The following GRID2 variants were observed in gnomAD, a reference collection of about 807,000 sequenced individuals.
The protein encoded by GRID2 is glutamate ionotropic receptor delta type subunit 2, also known as glutamate receptor ionotropic, delta-2.
A neutral mutation model predicts 114.8 loss-of-function variants in GRID2; 33 were observed. The ratio of observed to expected loss-of-function variants is 0.29; its 90% CI spans 0.22 to 0.38. The LOEUF (loss-of-function observed/expected upper bound fraction) is 0.38, where lower values mean the gene tolerates loss of function less well. Among genes scored for constraint, GRID2 ranks in the 10% least tolerant of loss-of-function variants. The probability of loss-of-function intolerance (pLI) is 1.00; values close to 1 mark genes in which losing one functional copy is unlikely to be tolerated. For missense variants in GRID2, 1,184 were observed against 1,257.7 expected (o/e 0.94, Z 0.89); for synonymous variants, 505 against 449.9 (o/e 1.12, Z -1.55).
At chr4:93,134,765 A>G (rs975558523) in intron 4 of GRID2, among the ~76,000 whole-genome samples, 1 of 152,140 alleles carries the variant, frequency 6.6e-6, no homozygotes, top group African/African-American at 2.4e-5. Flanking sequence ...TTTGCAGAAC[A>G]AAATGAAGGA....
intron 1 of GRID2, among the ~76,000 whole-genome samples, chr4:92,518,577 G>T (rs955329350): frequency 6.6e-6 from 1 of 151,722 alleles, no homozygotes; most frequent in Admixed American, 6.6e-5. Flanking sequence ...TATTTAATGG[G>T]TATAGAGTTT....
rs1441948038 is a variant in GRID2, at chr4:92,467,082, T to G, written c.89-123049T>G. ...TTAATTATTGTTATCAAATTTTACT[T>G]TTTTAGAAAAACACAAATCCTATTT... On this transcript the variant is annotated intron_variant, in intron 1 of 15. Coordinates refer to ENST00000282020, the MANE Select transcript of GRID2 (RefSeq NM_001510.4). 5.9e-5 allele frequency among the ~76,000 whole-genome samples: 9 copies of G among 151,926 alleles called. No homozygotes were observed. In the East Asian group the frequency reaches 1.5e-3, roughly 26 times the overall value.
At chr4:92,886,281 A>T (rs894976474) in intron 2 of GRID2, among the ~76,000 whole-genome samples, 1 of 152,110 alleles carries the variant, frequency 6.6e-6, no homozygotes, top group African/African-American at 2.4e-5. Flanking sequence ...AATATCAAAG[A>T]TCACTTAGTA....
chr4:92,539,348 G>A (rs4471526), intron 1 of GRID2, among the ~76,000 whole-genome samples: 12,994 of 152,010 alleles, frequency 0.085, 649 homozygotes, highest in African/African-American at 0.13. Context: ...CTTTTCCTGT[G>A]CATTAATGGT....
chr4:93,261,597 ATAAC>A (rs1398184526), intron 8 of GRID2, among the ~76,000 whole-genome samples: 1 of 151,852 alleles, frequency 6.6e-6, no homozygotes. Flanking sequence ...ATTTAAGAGG[ATAAC>A]TCTTGGATAG....
At chr4:93,500,736 T>C (rs1728013394) in intron 12 of GRID2, among the ~76,000 whole-genome samples, 1 of 152,008 alleles carries the variant, frequency 6.6e-6, no homozygotes, top group Non-Finnish European at 1.5e-5. Flanking sequence ...CCTTAGCTAG[T>C]GACTAACTAG....
chr4:93,752,249 G>A (rs1732385447), intron 14 of GRID2, among the ~76,000 whole-genome samples: 1 of 152,070 alleles, frequency 6.6e-6, no homozygotes, highest in Admixed American at 6.5e-5. Flanking sequence ...CCATTCCAGG[G>A]ATTAGGAAAA....
At chr4:93,766,108 G>A (rs1733647161) in intron 14 of GRID2, among the ~76,000 whole-genome samples, 1 of 152,160 alleles carries the variant, frequency 6.6e-6, no homozygotes, top group African/African-American at 2.4e-5. Context: ...TATGGAGGAT[G>A]AGTACACACT....
intron 10 of GRID2, among the ~76,000 whole-genome samples, chr4:93,430,837 G>A (rs1016852982): frequency 1.3e-5 from 2 of 152,188 alleles, no homozygotes; most frequent in African/African-American, 4.8e-5. Flanking sequence ...AAAATAACAG[G>A]TAGTAATTAT....
intron 2 of GRID2, among the ~76,000 whole-genome samples, chr4:93,077,989 A>G (rs1018425466): frequency 6.6e-6 from 1 of 152,172 alleles, no homozygotes; most frequent in Non-Finnish European, 1.5e-5. Context: ...TAAGGCATGT[A>G]AAGGTCTCCT....
chr4:92,906,909 T>G (rs1048906323), intron 2 of GRID2, among the ~76,000 whole-genome samples: 2 of 152,176 alleles, frequency 1.3e-5, no homozygotes, highest in African/African-American at 4.8e-5. Context: ...ATAGCTTCAC[T>G]CTGGAGCTTG....
chr4:93,422,082 A>G (rs1768345032), intron 9 of GRID2, among the ~76,000 whole-genome samples: 1 of 152,202 alleles, frequency 6.6e-6, no homozygotes, highest in Admixed American at 6.5e-5. Context: ...CTCAGAAGTG[A>G]AAGGGGCCTA....
intron 2 of GRID2, among the ~76,000 whole-genome samples, chr4:92,928,578 C>A (rs1035648152): frequency 1.3e-5 from 2 of 151,596 alleles, no homozygotes; most frequent in African/African-American, 4.8e-5. Flanking sequence ...ATTGAACTTA[C>A]ATAATTTCTC....
intron 8 of GRID2, among the ~76,000 whole-genome samples, chr4:93,324,311 G>A (rs1757586249): frequency 6.6e-6 from 1 of 152,038 alleles, no homozygotes; most frequent in Non-Finnish European, 1.5e-5. Flanking sequence ...ATAATCATGT[G>A]GTTTTTGTCT....
intron 2 of GRID2, among the ~76,000 whole-genome samples, chr4:92,975,112 G>A (rs1192385360): frequency 7.9e-6 from 1 of 126,856 alleles, no homozygotes; most frequent in Middle Eastern, 6.0e-3. Flanking sequence ...AGCAGAGATC[G>A]CACCACTGCA....
chr4:93,118,665 A>G (rs1202982613), intron 4 of GRID2, among the ~76,000 whole-genome samples: 1 of 152,156 alleles, frequency 6.6e-6, no homozygotes, highest in Non-Finnish European at 1.5e-5. Flanking sequence ...TTTGCATCTG[A>G]AAAGAATTTA....
intron 4 of GRID2, among the ~76,000 whole-genome samples, chr4:93,188,436 T>C (rs1740645460): frequency 6.6e-6 from 1 of 152,138 alleles, no homozygotes; most frequent in Admixed American, 6.6e-5. Flanking sequence ...ACTTAAAATT[T>C]TTCTGTTCCC....
intron 11 of GRID2, among the ~76,000 whole-genome samples, chr4:93,461,952 G>C (rs1481440115): frequency 6.6e-6 from 1 of 152,130 alleles, no homozygotes; most frequent in Non-Finnish European, 1.5e-5. Flanking sequence ...CTTTGCAAAT[G>C]TAGTTGTATG....
chr4:92,801,097 G>A (rs1262923482), intron 2 of GRID2, among the ~76,000 whole-genome samples: 1 of 151,928 alleles, frequency 6.6e-6, no homozygotes, highest in African/African-American at 2.4e-5. Context: ...AAAACATTAA[G>A]CACTTTTCTT....
Sources: gnomAD v4.1 joint callset for allele counts (sites outside exome capture counted in the v4.1 genomes callset) on GRCh38, gnomAD v4.1.1 for gene constraint, MANE v1.5 for transcripts, NCBI Gene and HGNC (gene_info 2026-07-23, HGNC 2026-07-21) for gene names.